Variants in AXDND1 observed in about 807,000 individuals in gnomAD.
The protein encoded by AXDND1 is axonemal dynein light chain domain containing 1.
In AXDND1, 110 loss-of-function variants were observed where a neutral mutation model predicts 137.5. The observed-to-expected ratio is 0.80, with a 90% CI of 0.69 to 0.94. AXDND1 has a LOEUF of 0.94. Ranked by LOEUF, AXDND1 falls within the 40% of genes least tolerant of loss-of-function variation. The pLI is 0.00. For synonymous variants in AXDND1, 414 were observed against 399.7 expected (o/e 1.04, Z -0.43); for missense variants, 1,191 against 1,169.8 (o/e 1.02, Z -0.26).
rs963212563 is a variant in AXDND1 at position 179,424,125 on chromosome 1, T to A, written c.1231-5393T>A. ...CTTTGCTGGATATAGTACTCTTGGA[T>A]AGCAGGGTTTTGTTCGTTTGTTTGT... is the stretch of plus-strand genomic sequence containing the variant. On this transcript the variant is annotated intron_variant, in intron 12 of 25. Coordinates refer to ENST00000367618, the MANE Select transcript of AXDND1 (RefSeq NM_144696.6). 2.0e-5 allele frequency among the ~76,000 whole-genome samples: 3 copies of A among 146,360 alleles called. No homozygotes were observed. The South Asian group carries it at 6.4e-4, about 31-fold the overall frequency.
chr1:179,498,885 T>A (rs893623046), intron 20 of AXDND1, among the ~76,000 whole-genome samples: 4 of 151,002 alleles, frequency 2.6e-5, no homozygotes, highest in African/African-American at 9.7e-5. Context: ...AGATACCATC[T>A]TACACCAGTC....
At chr1:179,554,078 A>G (rs981243704) in intron 25 of AXDND1, among the ~76,000 whole-genome samples, 1 of 152,018 alleles carries the variant, frequency 6.6e-6, no homozygotes, top group Admixed American at 6.6e-5. Context: ...ACGCCCAGCT[A>G]ATTTTTGCAT....
At chr1:179,468,383 G>A (rs1337615197) in intron 16 of AXDND1, 60 bp from the exon 17 acceptor site, 1 of 1,157,076 alleles carries the variant, frequency 8.6e-7, no homozygotes, top group East Asian at 2.5e-5. Context: ...TTATAATTTG[G>A]TATTAAAATA....
chr1:179,369,287 A>G (rs1486926135), intron 3 of AXDND1, among the ~76,000 whole-genome samples: 2 of 152,078 alleles, frequency 1.3e-5, no homozygotes, highest in African/African-American at 2.4e-5. Flanking sequence ...CATGTTGCCT[A>G]TGCTGGTCTC....
intron 12 of AXDND1, among the ~76,000 whole-genome samples, chr1:179,425,890 G>A (rs1656498459): frequency 7.0e-6 from 1 of 142,834 alleles, no homozygotes; most frequent in Non-Finnish European, 1.5e-5. Context: ...AGGCTGGAAT[G>A]CAGTGGCACA....
chr1:179,386,726 C>T (rs1649283541), intron 9 of AXDND1, among the ~76,000 whole-genome samples: 1 of 151,540 alleles, frequency 6.6e-6, no homozygotes, highest in Non-Finnish European at 1.5e-5. Flanking sequence ...ATTATTATTA[C>T]TATTCTTATT....
chr1:179,403,841 T>C (rs1294554112), intron 11 of AXDND1, among the ~76,000 whole-genome samples: 3 of 152,192 alleles, frequency 2.0e-5, no homozygotes, highest in Non-Finnish European at 4.4e-5. Context: ...CATCCCAAAG[T>C]GCTGAGATTA....
chr1:179,435,629 T>C (rs1658035165), intron 15 of AXDND1, among the ~76,000 whole-genome samples: 1 of 152,172 alleles, frequency 6.6e-6, no homozygotes, highest in African/African-American at 2.4e-5. Context: ...CTAGGAAAAC[T>C]GGCTAGTCAT....
At chr1:179,513,466 G>A (rs895588444) in intron 21 of AXDND1, among the ~76,000 whole-genome samples, 1 of 152,028 alleles carries the variant, frequency 6.6e-6, no homozygotes, top group Admixed American at 6.6e-5. Flanking sequence ...TTCAGTTAGC[G>A]AGTATTTTGT....
chr1:179,426,889 T>TC (rs1558161899), intron 12 of AXDND1, among the ~76,000 whole-genome samples: 1 of 152,158 alleles, frequency 6.6e-6, no homozygotes, highest in African/African-American at 2.4e-5. Context: ...TGGCCAAGTA[T>TC]AGTGGCTCAA....
At chr1:179,537,542 C>T (rs757375585) in intron 25 of AXDND1, among the ~76,000 whole-genome samples, 2 of 152,130 alleles carry the variant, frequency 1.3e-5, no homozygotes, top group Non-Finnish European at 2.9e-5. Context: ...AGGGATGAAG[C>T]CGACTTGATT....
At chr1:179,510,744 TTTTA>T (rs1389818075) in intron 21 of AXDND1, among the ~76,000 whole-genome samples, 5 of 152,238 alleles carry the variant, frequency 3.3e-5, no homozygotes, top group Admixed American at 6.5e-5. Flanking sequence ...CTGACAAGTC[TTTTA>T]TTTTTTATTT....
chr1:179,536,819 C>T lies in AXDND1; in HGVS notation c.3031+1857C>T, dbSNP rs188441953. On this transcript the variant is annotated intron_variant, in intron 25 of 25. Transcript: ENST00000367618. ...ACCTTGGGCAGTATGGCCATTTTCACGATATTGATTCTTCCTATCCATGAG... is the reference window on the plus strand; with the variant it reads ...ACCTTGGGCAGTATGGCCATTTTCATGATATTGATTCTTCCTATCCATGAG... Among the ~76,000 whole-genome samples, 15 of 152,230 alleles carry T rather than the reference C, an allele frequency of 9.9e-5. No individual in the cohort carries two copies. In the South Asian group the frequency reaches 1.2e-3, roughly 13 times the overall value.
chr1:179,403,730 C>A (rs758699557), intron 11 of AXDND1, among the ~76,000 whole-genome samples: 1 of 152,184 alleles, frequency 6.6e-6, no homozygotes, highest in Non-Finnish European at 1.5e-5. Context: ...TGTGCCACCA[C>A]ACCCGGCTAA....
At chr1:179,376,743 C>G (rs1356429830) in intron 4 of AXDND1, among the ~76,000 whole-genome samples, 3 of 152,036 alleles carry the variant, frequency 2.0e-5, no homozygotes, top group African/African-American at 7.2e-5. Context: ...GCGAATCTTC[C>G]CCTCTATATT....
intron 18 of AXDND1, among the ~76,000 whole-genome samples, chr1:179,489,689 C>G (rs1412836456): frequency 1.3e-5 from 2 of 151,312 alleles, no homozygotes; most frequent in Non-Finnish European, 2.9e-5. Flanking sequence ...ACCTTCCTGT[C>G]TGAATCAAGA....
intron 11 of AXDND1, among the ~76,000 whole-genome samples, chr1:179,401,342 A>G (rs1287516660): frequency 1.3e-5 from 2 of 152,042 alleles, no homozygotes; most frequent in Non-Finnish European, 2.9e-5. Flanking sequence ...AATTTTACCA[A>G]GTTTTTCCAA....
At chr1:179,428,008 C>T (rs1263413635) in intron 12 of AXDND1, among the ~76,000 whole-genome samples, 1 of 150,810 alleles carries the variant, frequency 6.6e-6, no homozygotes, top group Non-Finnish European at 1.5e-5. Flanking sequence ...TTTGCTAAGG[C>T]AACTGCATGA....
At chr1:179,493,453 C>T (rs1167903170) in intron 20 of AXDND1, among the ~76,000 whole-genome samples, 2 of 152,172 alleles carry the variant, frequency 1.3e-5, no homozygotes, top group African/African-American at 4.8e-5. Context: ...TAGATAACTT[C>T]AGTGCATATT....
Sources: allele counts gnomAD v4.1 joint callset (sites outside exome capture counted in the v4.1 genomes callset), GRCh38; gene constraint gnomAD v4.1.1; transcripts MANE v1.5; gene names NCBI Gene and HGNC (gene_info 2026-07-23, HGNC 2026-07-21).